Variants in TMEM132B observed in about 807,000 individuals in gnomAD.
The protein encoded by TMEM132B is transmembrane protein 132B.
TMEM132B carries 18 observed loss-of-function variants against 90.8 expected under a neutral mutation model. That is an observed-to-expected ratio of 0.20 (90% CI 0.14 to 0.29). TMEM132B has a LOEUF of 0.29. Among genes scored for constraint, TMEM132B ranks in the 10% least tolerant of loss-of-function variants. The pLI, the probability that TMEM132B is intolerant of heterozygous loss-of-function variation, is 1.00. For synonymous variants in TMEM132B, 504 were observed against 523.3 expected (o/e 0.96, Z 0.50); for missense variants, 1,096 against 1,326.8 (o/e 0.83, Z 2.70).
At chr12:125,541,786 G>A (rs951513798) in intron 4 of TMEM132B, among the ~76,000 whole-genome samples, 2 of 151,580 alleles carry the variant, frequency 1.3e-5, no homozygotes, top group Non-Finnish European at 2.9e-5. Flanking sequence ...TTGGGAGGCC[G>A]AGGCTGATGG....
intron 3 of TMEM132B, among the ~76,000 whole-genome samples, chr12:125,462,605 G>C (rs1356017639): frequency 9.2e-5 from 14 of 152,190 alleles, no homozygotes; most frequent in Admixed American, 7.2e-4. Flanking sequence ...ACGATAAATA[G>C]ATGTCCCCGA....
intron 1 of TMEM132B, among the ~76,000 whole-genome samples, chr12:125,257,164 G>A (rs1228955403): frequency 6.6e-6 from 1 of 152,150 alleles, no homozygotes; most frequent in Non-Finnish European, 1.5e-5. Flanking sequence ...AAAAAAATCT[G>A]GTGTGGGGAT....
intron 5 of TMEM132B, among the ~76,000 whole-genome samples, chr12:125,595,735 G>T (rs1885423531): frequency 6.6e-6 from 1 of 152,204 alleles, no homozygotes. Context: ...GCTGGTAAGT[G>T]CTAGGGCTGG....
At chr12:125,587,080 G>A (rs10846925) in intron 5 of TMEM132B, 109,388 of 151,712 alleles carry the variant, frequency 0.72, 39,803 homozygotes, top group Middle Eastern at 0.84. Context: ...CTGGATGACA[G>A]TCTGATTCAG....
chr12:125,230,572 C>A (rs1873794250), intron 1 of TMEM132B, among the ~76,000 whole-genome samples: 1 of 152,002 alleles, frequency 6.6e-6, no homozygotes, highest in South Asian at 2.1e-4. Flanking sequence ...GCTCCGCCTC[C>A]TGGGTTCATG....
intron 4 of TMEM132B, among the ~76,000 whole-genome samples, chr12:125,537,386 C>T (rs1459486699): frequency 6.6e-6 from 1 of 152,196 alleles, no homozygotes; most frequent in African/African-American, 2.4e-5. Context: ...CTCCAGACAG[C>T]AGAAAGACTC....
chr12:125,426,626 G>T (rs534896321), intron 3 of TMEM132B, among the ~76,000 whole-genome samples: 5 of 152,330 alleles, frequency 3.3e-5, no homozygotes, highest in African/African-American at 1.2e-4. Context: ...GCTCATTCCT[G>T]GAATGTCTGT....
intron 5 of TMEM132B, among the ~76,000 whole-genome samples, chr12:125,591,228 C>T (rs1885311184): frequency 6.6e-6 from 1 of 152,170 alleles, no homozygotes; most frequent in African/African-American, 2.4e-5. Flanking sequence ...TTCTGGAGGT[C>T]AGAAGTCTAA....
chr12:125,238,116 T>C (rs1873976773), intron 1 of TMEM132B, among the ~76,000 whole-genome samples: 2 of 152,180 alleles, frequency 1.3e-5, no homozygotes, highest in South Asian at 4.1e-4. Context: ...TCTTCTCCTC[T>C]CTTTTTTTTC....
intron 3 of TMEM132B, among the ~76,000 whole-genome samples, chr12:125,482,715 T>C (rs1882081202): frequency 6.6e-6 from 1 of 152,158 alleles, no homozygotes; most frequent in Non-Finnish European, 1.5e-5. Flanking sequence ...GAACTAGAAA[T>C]ACCATTTGTC....
chr12:125,235,488 T>A (rs1280417305), intron 1 of TMEM132B, among the ~76,000 whole-genome samples: 1 of 151,834 alleles, frequency 6.6e-6, no homozygotes, highest in Non-Finnish European at 1.5e-5. Flanking sequence ...AACATAAAAT[T>A]AACTACTTTA....
intron 4 of TMEM132B, among the ~76,000 whole-genome samples, chr12:125,547,338 G>T (rs937538290): frequency 8.0e-6 from 1 of 124,782 alleles, no homozygotes; most frequent in Non-Finnish European, 1.6e-5. Flanking sequence ...CCATTTTTTT[G>T]TGGCTGCATA....
At chr12:125,389,013 TACACACAC>T (rs71447042) in intron 2 of TMEM132B, among the ~76,000 whole-genome samples, 8,785 of 140,124 alleles carry the variant, frequency 0.063, 764 homozygotes, top group African/African-American at 0.2. Flanking sequence ...ATATTTTCTG[TACACACAC>T]ACACACACAC....
At chr12:125,326,981 C>T (rs918527847) in intron 1 of TMEM132B, among the ~76,000 whole-genome samples, 3 of 152,092 alleles carry the variant, frequency 2.0e-5, no homozygotes, top group East Asian at 1.9e-4. Flanking sequence ...AACACAGGCA[C>T]CTGCTTTCCC....
At chr12:125,550,551 A>AT (rs1884201565) in intron 4 of TMEM132B, among the ~76,000 whole-genome samples, 1 of 152,210 alleles carries the variant, frequency 6.6e-6, no homozygotes, top group Non-Finnish European at 1.5e-5. Flanking sequence ...CTAAAGGGAT[A>AT]TTAATTTTCC....
chr12:125,380,707 T>C (rs1024788900), intron 2 of TMEM132B, among the ~76,000 whole-genome samples: 1 of 152,212 alleles, frequency 6.6e-6, no homozygotes, highest in African/African-American at 2.4e-5. Context: ...TGGCTTCAGC[T>C]GATGGGAGGC....
chr12:125,432,836 CTGTT>C (rs1261053640), intron 3 of TMEM132B, among the ~76,000 whole-genome samples: 2 of 152,062 alleles, frequency 1.3e-5, no homozygotes, highest in Admixed American at 1.3e-4. Context: ...CATGTCGACA[CTGTT>C]TGTACTCAGA....
chr12:125,444,667 G>A (rs1002790410), intron 3 of TMEM132B, among the ~76,000 whole-genome samples: 2 of 152,138 alleles, frequency 1.3e-5, no homozygotes, highest in African/African-American at 4.8e-5. Context: ...TGAGATGGTC[G>A]GTTTTATGTG....
At position 125,654,852 on chromosome 12, in the gene TMEM132B, G is replaced by A. The variant is rs139372271; in HGVS notation, c.*142G>A. 8.3e-4 allele frequency: 814 copies of A among 985,040 alleles called. 6 individuals carry two copies. The African/African-American group carries it at 0.011, about 14-fold the overall frequency. The allele number at this position is 985,040 out of a possible 1,614,324, so 61.0% of individuals were successfully genotyped here. A position where few individuals can be genotyped will look rare whatever the true frequency, so the allele number is the denominator to read the frequency against. On this transcript the variant is annotated 3_prime_UTR_variant, in exon 9 of 9. Transcript: ENST00000682704. This position sits in a 1 kb window ranked among gnomAD's most constrained non-coding sequence, Gnocchi z 5.8. ...GGGATTCATTTCTAAGCAGGTAAAA[G>A]AGGTTTGGAGAGCTATAGAAGCTGG... is the stretch of plus-strand genomic sequence containing the variant.
Sources: allele counts gnomAD v4.1 joint callset (sites outside exome capture counted in the v4.1 genomes callset), GRCh38; gene constraint gnomAD v4.1.1; non-coding constraint Gnocchi (gnomAD v3.1); transcripts MANE v1.5; gene names NCBI Gene and HGNC (gene_info 2026-07-23, HGNC 2026-07-21).